The following RSRC1 variants were observed in gnomAD, a reference collection of about 807,000 sequenced individuals.
The protein encoded by RSRC1 is serine/Arginine-related protein 53.
Under a neutral mutation model 49.1 loss-of-function variants are expected in RSRC1, and 39 were observed. The observed-to-expected ratio is 0.79, with a 90% CI of 0.61 to 1.04. The LOEUF (loss-of-function observed/expected upper bound fraction) is 1.04, where lower values mean the gene tolerates loss of function less well. RSRC1 is among the 50% of genes least tolerant of loss of function. The pLI, the probability that RSRC1 is intolerant of heterozygous loss-of-function variation, is 0.00. For missense variants in RSRC1, 388 were observed against 402.4 expected, an observed-to-expected ratio of 0.96 and a Z score of 0.31; for synonymous variants, 143 against 130.8, an observed-to-expected ratio of 1.09 and a Z score of -0.63.
chr3:158,205,817 T>C (rs1721314150), intron 4 of RSRC1, among the ~76,000 whole-genome samples: 1 of 152,056 alleles, frequency 6.6e-6, no homozygotes, highest in African/African-American at 2.4e-5. Context: ...CGATAGCTGA[T>C]GAGCTAAAAA....
At chr3:158,321,870 C>T (rs528201081) in intron 5 of RSRC1, among the ~76,000 whole-genome samples, 70 of 151,988 alleles carry the variant, frequency 4.6e-4, no homozygotes, top group Non-Finnish European at 8.4e-4. Context: ...ATTGCAATCA[C>T]GAATATCACA....
At chr3:158,282,695 C>T (rs1171050730) in intron 4 of RSRC1, among the ~76,000 whole-genome samples, 2 of 151,990 alleles carry the variant, frequency 1.3e-5, no homozygotes, top group African/African-American at 4.8e-5. Flanking sequence ...TTAATTGGTT[C>T]TTGTACAATA....
intron 3 of RSRC1, among the ~76,000 whole-genome samples, chr3:158,194,484 T>C (rs1720433741): frequency 6.9e-6 from 1 of 144,176 alleles, no homozygotes; most frequent in Non-Finnish European, 1.5e-5. Flanking sequence ...TTCAGCACTT[T>C]GAGATTCTTT....
chr3:158,386,511 G>C (rs769226921), intron 6 of RSRC1, among the ~76,000 whole-genome samples: 1 of 151,948 alleles, frequency 6.6e-6, no homozygotes, highest in Non-Finnish European at 1.5e-5. Flanking sequence ...CTAAACCACT[G>C]TTAACGTAGG....
chr3:158,272,214 A>G (rs1207162304), intron 4 of RSRC1, among the ~76,000 whole-genome samples: 1 of 152,144 alleles, frequency 6.6e-6, no homozygotes, highest in Non-Finnish European at 1.5e-5. Flanking sequence ...TGTGAGTTAG[A>G]AATGAAAACC....
intron 7 of RSRC1, among the ~76,000 whole-genome samples, chr3:158,484,024 C>G (rs957980855): frequency 3.3e-5 from 5 of 152,102 alleles, no homozygotes; most frequent in Non-Finnish European, 1.5e-5. Flanking sequence ...ATTTGTTCCT[C>G]CATGCAGTGA....
intron 6 of RSRC1, among the ~76,000 whole-genome samples, chr3:158,442,908 C>G (rs1736461317): frequency 6.6e-6 from 1 of 152,072 alleles, no homozygotes; most frequent in Non-Finnish European, 1.5e-5. Context: ...AGCATTAATC[C>G]TCTTGTATGT....
At chr3:158,376,166 T>TCCCC (rs1732358207) in intron 6 of RSRC1, among the ~76,000 whole-genome samples, 2 of 34,668 alleles carry the variant, frequency 5.8e-5, no homozygotes, top group African/African-American at 2.2e-4. Context: ...CCTCCCTCCC[T>TCCCC]CCCTTCCTTC....
At chr3:158,252,729 C>T (rs565740824) in intron 4 of RSRC1, among the ~76,000 whole-genome samples, 3 of 152,132 alleles carry the variant, frequency 2.0e-5, no homozygotes, top group Non-Finnish European at 4.4e-5. Flanking sequence ...TTTTCTTTAC[C>T]GGGAGACTTT....
intron 8 of RSRC1, among the ~76,000 whole-genome samples, chr3:158,537,667 T>C (rs911388411): frequency 2.6e-5 from 4 of 151,686 alleles, no homozygotes; most frequent in African/African-American, 9.7e-5. Context: ...GGAGCTTTGA[T>C]TGACATTTTA....
rs1309603553 is a variant in RSRC1, at chr3:158,544,683, A to G, written c.*408A>G. On this transcript the variant is annotated 3_prime_UTR_variant, in exon 10 of 10. Transcript: ENST00000611884. ...TTCATCTTCCGTATGGTATTCAACC[A>G]TTTTTAAATATTTTATTTCACCATA... The G allele has an allele frequency of 6.6e-6, 1 of 152,604 alleles. No homozygotes were observed. The highest frequency in any genetic ancestry group is 1.5e-5 in the Non-Finnish European group (1 of 68,334). 9.5% of individuals were successfully genotyped at this position (152,604 alleles called of 1,614,324 possible).
At chr3:158,467,298 G>A (rs182150727) in intron 7 of RSRC1, among the ~76,000 whole-genome samples, 5 of 152,168 alleles carry the variant, frequency 3.3e-5, no homozygotes, top group Non-Finnish European at 2.9e-5. Flanking sequence ...AGAGGATAAG[G>A]GGGAGACAGA....
intron 9 of RSRC1, 68 bp from the exon 10 acceptor site, chr3:158,544,115 G>A: frequency 9.3e-7 from 1 of 1,072,250 alleles, no homozygotes; most frequent in Non-Finnish European, 1.4e-6. Flanking sequence ...GGTGAGTTCT[G>A]TCATTTTAGG....
intron 6 of RSRC1, among the ~76,000 whole-genome samples, chr3:158,374,161 G>T (rs1006429748): frequency 5.3e-5 from 8 of 152,130 alleles, no homozygotes; most frequent in Non-Finnish European, 7.4e-5. Flanking sequence ...TAACGGATTG[G>T]ATATTTTTTT....
At chr3:158,476,481 CTT>C (rs1189281995) in intron 7 of RSRC1, among the ~76,000 whole-genome samples, 2 of 152,084 alleles carry the variant, frequency 1.3e-5, no homozygotes, top group African/African-American at 4.8e-5. Context: ...CAGCTGGTGA[CTT>C]TAAGTTTGAA....
In RSRC1 at chr3:158,184,846, A is replaced by G. The variant is rs184693836; in HGVS notation, c.321-18226A>G. 2.0e-4 allele frequency among the ~76,000 whole-genome samples: 31 copies of G among 152,202 alleles called. No homozygotes were observed. The East Asian group carries it at 5.0e-3, about 25-fold the overall frequency. On this transcript the variant is annotated intron_variant, in intron 3 of 9. Transcript: ENST00000611884. ...TAAGAGATATTAATATTTTGTCCCA[A>G]TAAGTTTCTATTTCATATGAATAAA...
At chr3:158,501,761 C>T (rs1163273229) in intron 7 of RSRC1, among the ~76,000 whole-genome samples, 1 of 152,102 alleles carries the variant, frequency 6.6e-6, no homozygotes, top group African/African-American at 2.4e-5. Flanking sequence ...AGGTAAGTCT[C>T]CTGAAGGCAG....
intron 6 of RSRC1, among the ~76,000 whole-genome samples, chr3:158,446,558 TTA>T (rs1487943973): frequency 6.6e-6 from 1 of 152,048 alleles, no homozygotes; most frequent in Admixed American, 6.6e-5. Flanking sequence ...TTGAAATTTC[TTA>T]TATATTGTGT....
intron 6 of RSRC1, among the ~76,000 whole-genome samples, chr3:158,445,724 G>A (rs1736673428): frequency 6.6e-6 from 1 of 151,862 alleles, no homozygotes; most frequent in Non-Finnish European, 1.5e-5. Context: ...TTCCAAAATG[G>A]ACCATTTTTT....
Sources: gnomAD v4.1 joint callset for allele counts (sites outside exome capture counted in the v4.1 genomes callset) on GRCh38, gnomAD v4.1.1 for gene constraint, MANE v1.5 for transcripts, NCBI Gene and HGNC (gene_info 2026-07-23, HGNC 2026-07-21) for gene names.